The following ATP2B1 variants were observed in gnomAD, a reference collection of about 807,000 sequenced individuals.
The protein encoded by ATP2B1 is plasma membrane calcium-transporting ATPase 1.
ATP2B1 carries 14 observed loss-of-function variants against 124.2 expected under a neutral mutation model. The observed-to-expected ratio is 0.11, with a 90% CI of 0.07 to 0.18. The LOEUF (loss-of-function observed/expected upper bound fraction) is 0.18, where lower values mean the gene tolerates loss of function less well. ATP2B1 is among the 10% of genes least tolerant of loss of function. The probability of loss-of-function intolerance (pLI) is 1.00; values close to 1 mark genes in which losing one functional copy is unlikely to be tolerated. For missense variants in ATP2B1, 763 were observed against 1,466.1 expected, an observed-to-expected ratio of 0.52 and a Z score of 7.83; for synonymous variants, 449 against 492.4, an observed-to-expected ratio of 0.91 and a Z score of 1.17.
intron 1 of ATP2B1, among the ~76,000 whole-genome samples, chr12:89,669,122 T>TTTTCTTGTGTACA (rs962150323): frequency 1.3e-5 from 2 of 152,044 alleles, no homozygotes; most frequent in Admixed American, 6.6e-5. Flanking sequence ...CTTTTGTGCA[T>TTTTCTTGTGTACA]TTTCTTGTGT....
chr12:89,702,814 G>A (rs955488575), intron 1 of ATP2B1, among the ~76,000 whole-genome samples: 1 of 151,996 alleles, frequency 6.6e-6, no homozygotes, highest in Non-Finnish European at 1.5e-5. Context: ...CCATATTGTT[G>A]GAAGTCACTG....
At chr12:89,650,573 C>T (rs1418867676) in intron 2 of ATP2B1, among the ~76,000 whole-genome samples, 1 of 152,182 alleles carries the variant, frequency 6.6e-6, no homozygotes, top group Non-Finnish European at 1.5e-5. Flanking sequence ...ATTTCAGCAA[C>T]CACCACTTAA....
At chr12:89,652,474 AC>A (rs1169864601) in intron 2 of ATP2B1, among the ~76,000 whole-genome samples, 1 of 152,196 alleles carries the variant, frequency 6.6e-6, no homozygotes, top group Non-Finnish European at 1.5e-5. Flanking sequence ...GTTTTACCTA[AC>A]TGAAATTCAT....
chr12:89,593,101 TTTAC>T (rs1218115729), intron 20 of ATP2B1, among the ~76,000 whole-genome samples: 8 of 152,064 alleles, frequency 5.3e-5, no homozygotes, highest in African/African-American at 1.9e-4. Context: ...CCTCTTCCCC[TTTAC>T]TAAGATGTAA....
At chr12:89,692,419 A>C (rs757779382) in intron 1 of ATP2B1, among the ~76,000 whole-genome samples, 7 of 152,150 alleles carry the variant, frequency 4.6e-5, no homozygotes, top group African/African-American at 1.2e-4. Context: ...CTTTCTCCCT[A>C]TATCTGCATG....
intron 15 of ATP2B1, among the ~76,000 whole-genome samples, chr12:89,604,838 T>C (rs1876522807): frequency 6.7e-6 from 1 of 150,362 alleles, no homozygotes; most frequent in Non-Finnish European, 1.5e-5. Flanking sequence ...AGTAGCCCCC[T>C]TTCCCCCCAA....
At chr12:89,646,791 A>G (rs1884512727) in intron 2 of ATP2B1, among the ~76,000 whole-genome samples, 1 of 152,356 alleles carries the variant, frequency 6.6e-6, no homozygotes, top group African/African-American at 2.4e-5. Flanking sequence ...AGTGGGCAGA[A>G]ATAAATCAGT....
intron 1 of ATP2B1, among the ~76,000 whole-genome samples, chr12:89,695,013 G>T (rs10858917): frequency 6.8e-6 from 1 of 147,812 alleles, no homozygotes; most frequent in Non-Finnish European, 1.5e-5. Flanking sequence ...AGCCATGATC[G>T]TGCCATTGCA....
At position 89,621,674 on chromosome 12, in the gene ATP2B1, C is replaced by T. The variant is rs530538884; in HGVS notation, c.1462G>A (p.Val488Ile). 10 of 1,611,840 alleles carry T rather than the reference C, an allele frequency of 6.2e-6. No individual in the cohort carries two copies. The highest frequency in any genetic ancestry group is 5.0e-5 in the Admixed American group (3 of 59,862). ...TGTTTTTCATTTATGTAAGCTTGAA[C>T]GACTGTCATTCTGTTCATTGTCAAA... ...GTLTMNRMTVVQAYINEKHYK... is the reference protein window; with the variant it reads ...GTLTMNRMTVIQAYINEKHYK... Residue 488 changes from valine (V) to isoleucine (I), a missense_variant, in exon 10 of 21, where the codon GTT (valine) becomes ATT (isoleucine). Physicochemically the swap from Val to Ile is conservative, Grantham distance 29 (BLOSUM62 3). Coordinates refer to ENST00000428670, the MANE Select transcript of ATP2B1 (RefSeq NM_001366521.1).
intron 12 of ATP2B1, among the ~76,000 whole-genome samples, chr12:89,613,107 G>A (rs1016591822): frequency 6.6e-6 from 1 of 151,896 alleles, no homozygotes; most frequent in African/African-American, 2.4e-5. Flanking sequence ...AGCCTCCTGA[G>A]TAGCTGGGAT....
In ATP2B1 at chr12:89,678,001, CACACACACACACACACAT is replaced by C. The variant is rs1209564276; in HGVS notation, c.-221-21912_-221-21895del. On this transcript the variant is annotated intron_variant, in intron 1 of 20. Coordinates refer to ENST00000428670, the MANE Select transcript of ATP2B1 (RefSeq NM_001366521.1). ...ACACACACACACACACACACACACA[CACACACACACACACACAT>C]ATACAGAATGGAGAAATCATTTAAA... Among the ~76,000 whole-genome samples the C allele has an allele frequency of 5.2e-5, 7 of 133,792 alleles. 1 individual carries two copies. The highest frequency in any genetic ancestry group is 1.4e-4 in the Admixed American group (2 of 13,910). 87.8% of individuals were successfully genotyped at this position (133,792 alleles called of 152,430 possible).
intron 9 of ATP2B1, among the ~76,000 whole-genome samples, chr12:89,623,215 A>G (rs1880290867): frequency 6.6e-6 from 1 of 152,170 alleles, no homozygotes. Flanking sequence ...AATATTGCTC[A>G]CTGTCAGCAG....
At chr12:89,693,066 G>A (rs537596319) in intron 1 of ATP2B1, among the ~76,000 whole-genome samples, 1 of 152,200 alleles carries the variant, frequency 6.6e-6, no homozygotes, top group South Asian at 2.1e-4. Context: ...CTAGTATTAA[G>A]CCAATAATTT....
rs568465785 is a variant in ATP2B1 at position 89,610,173 on chromosome 12, G to T, written c.2336-130C>A. The T allele has an allele frequency of 3.2e-6, 3 of 926,196 alleles. No homozygotes were observed. In the South Asian group the frequency reaches 5.4e-5, roughly 17 times the overall value. 57.4% of individuals were successfully genotyped at this position (926,196 alleles called of 1,614,324 possible). On this transcript the variant is annotated intron_variant, in intron 14 of 20. Transcript: ENST00000428670. ...ATAAACAAATATAAAAATGGAAATTGCTTAGATGTTGGGTGAGAACCTACT... is the reference window on the plus strand; with the variant it reads ...ATAAACAAATATAAAAATGGAAATTTCTTAGATGTTGGGTGAGAACCTACT...
rs570517663 is a variant in ATP2B1, at chr12:89,699,215, G to T, written c.-222+9381C>A. Among the ~76,000 whole-genome samples, 6 of 152,086 alleles carry T rather than the reference G, an allele frequency of 3.9e-5. No individual in the cohort carries two copies. The East Asian group carries it at 1.2e-3, about 29-fold the overall frequency. ...CTAAGTCAACGCCTTCTAAAATTTT[G>T]GTGTGGGTTTCTCTTCTCCCTTGTG... On this transcript the variant is annotated intron_variant, in intron 1 of 20. Coordinates refer to ENST00000428670, the MANE Select transcript of ATP2B1 (RefSeq NM_001366521.1).
At chr12:89,641,268 A>G (rs1245345033) in intron 3 of ATP2B1, among the ~76,000 whole-genome samples, 1 of 152,208 alleles carries the variant, frequency 6.6e-6, no homozygotes, top group Non-Finnish European at 1.5e-5. Flanking sequence ...GGAGAAAAAA[A>G]CATTTGTAGC....
At chr12:89,676,145 C>T (rs1397702284) in intron 1 of ATP2B1, among the ~76,000 whole-genome samples, 1 of 152,098 alleles carries the variant, frequency 6.6e-6, no homozygotes, top group African/African-American at 2.4e-5. Flanking sequence ...CCAATCTCCT[C>T]TCTCCCATTG....
At chr12:89,605,404 A>G (rs966308162) in intron 15 of ATP2B1, among the ~76,000 whole-genome samples, 2 of 152,146 alleles carry the variant, frequency 1.3e-5, no homozygotes, top group African/African-American at 4.8e-5. Flanking sequence ...GAGTGGTTTC[A>G]TTATCAAGAG....
intron 5 of ATP2B1, among the ~76,000 whole-genome samples, chr12:89,633,947 T>C (rs1473602162): frequency 6.6e-6 from 1 of 152,170 alleles, no homozygotes; most frequent in East Asian, 1.9e-4. Flanking sequence ...CCCCAGAACC[T>C]AAAAGTTAGA....
Sources: allele counts gnomAD v4.1 joint callset (sites outside exome capture counted in the v4.1 genomes callset), GRCh38; gene constraint gnomAD v4.1.1; transcripts MANE v1.5; gene names NCBI Gene and HGNC (gene_info 2026-07-23, HGNC 2026-07-21).